Variants in ABHD17A observed in about 807,000 individuals in gnomAD.
ABHD17A encodes the protein abhydrolase domain containing 17A, depalmitoylase.
In ABHD17A, 10 loss-of-function variants were observed where a neutral mutation model predicts 26.8. The observed-to-expected ratio is 0.37, with a 90% confidence interval of 0.23 to 0.63. The LOEUF (loss-of-function observed/expected upper bound fraction) is 0.63, where lower values mean the gene tolerates loss of function less well. Among genes scored for constraint, ABHD17A ranks in the 30% least tolerant of loss-of-function variants. ABHD17A has a pLI of 0.61. For synonymous variants in ABHD17A, 167 were observed against 210.9 expected, an observed-to-expected ratio of 0.79 and a Z score of 1.80; for missense variants, 292 against 457.3, an observed-to-expected ratio of 0.64 and a Z score of 3.30.
rs2012496376 is a variant in ABHD17A, at chr19:1,880,604, C to T, written c.333-489G>A. Among the ~76,000 whole-genome samples the T allele has an allele frequency of 6.6e-6, 1 of 152,182 alleles. No homozygotes were observed. The highest frequency in any genetic ancestry group is 1.5e-5 in the Non-Finnish European group (1 of 68,014). On this transcript the variant is annotated intron_variant, in intron 2 of 4. Transcript: ENST00000292577. The surrounding 1 kb of genome is among the most constrained non-coding windows in gnomAD (Gnocchi z 4.1). Reference sequence around the variant, plus strand: ...CTCCCCTCACCTCACAGAATGGTGCCCTCACTGTTGGGGCACAACTGGACC... The same window carrying T: ...CTCCCCTCACCTCACAGAATGGTGCTCTCACTGTTGGGGCACAACTGGACC...
rs4807160 is a variant in ABHD17A at position 1,880,951 on chromosome 19, T to G, written c.332+284A>C. On this transcript the variant is annotated intron_variant, in intron 2 of 4. Transcript: ENST00000292577. This position sits in a 1 kb window ranked among gnomAD's most constrained non-coding sequence, Gnocchi z 4.1. The stretch of plus-strand genomic sequence containing the variant: ...AGGGCAGCCCCTGTGCCCCAGCTCT[T>G]GCCCAGCAGGCAACCACCAGGCGCT... The G allele has an allele frequency of 1.2e-6, 2 of 1,612,872 alleles. No individual in the cohort carries two copies. Among genetic ancestry groups the G allele is most frequent in the Non-Finnish European group, 1.7e-6 (2 of 1,179,874 alleles).
intron 1 of ABHD17A, among the ~76,000 whole-genome samples, chr19:1,885,025 CG>C (rs1053899276): frequency 6.6e-6 from 1 of 152,140 alleles, no homozygotes; most frequent in African/African-American, 2.4e-5. Context: ...GGCGAGAGGC[CG>C]AAGCGTTTGT....
intron 1 of ABHD17A, 142 bp from the exon 2 acceptor site, chr19:1,881,946 C>T (rs947273134): frequency 3.6e-5 from 8 of 221,686 alleles, no homozygotes; most frequent in Middle Eastern, 1.6e-3. Flanking sequence ...GCCCTCCCCA[C>T]GGCCTGTCAG....
chr19:1,880,901 G>A lies in ABHD17A; in HGVS notation c.332+334C>T, dbSNP rs371082143. 30 of 1,612,954 alleles carry A rather than the reference G, an allele frequency of 1.9e-5. No individual in the cohort carries two copies. Among genetic ancestry groups the A allele is most frequent in the South Asian group, 1.2e-4 (11 of 91,084 alleles). ...AGATCTGGTCAGAACCCCACCTGGC[G>A]AGAAGGTGGATGTACCCGCAGGCCA... is the stretch of plus-strand genomic sequence containing the variant. On this transcript the variant is annotated intron_variant, in intron 2 of 4. Transcript: ENST00000292577. The surrounding 1 kb of genome is among the most constrained non-coding windows in gnomAD (Gnocchi z 4.1).
In ABHD17A at chr19:1,880,927, G is replaced by A; in HGVS notation, c.332+308C>T. Reference sequence around the variant, plus strand: ...AGAAGGTGGATGTACCCGCAGGCCAGGGCAGCCCCTGTGCCCCAGCTCTTG... The same window carrying A: ...AGAAGGTGGATGTACCCGCAGGCCAAGGCAGCCCCTGTGCCCCAGCTCTTG... On this transcript the variant is annotated intron_variant, in intron 2 of 4. Coordinates refer to ENST00000292577, the MANE Select transcript of ABHD17A (RefSeq NM_001130111.2). The surrounding 1 kb of genome is among the most constrained non-coding windows in gnomAD (Gnocchi z 4.1). 2 of 1,613,080 alleles carry A rather than the reference G, an allele frequency of 1.2e-6. No individual in the cohort carries two copies. The highest frequency in any genetic ancestry group is 1.7e-6 in the Non-Finnish European group (2 of 1,179,930).
At position 1,880,966 on chromosome 19, in the gene ABHD17A, C is replaced by G; in HGVS notation, c.332+269G>C. The G allele has an allele frequency of 6.2e-7, 1 of 1,612,686 alleles. No individual in the cohort carries two copies. Among genetic ancestry groups the G allele is most frequent in the Non-Finnish European group, 8.5e-7 (1 of 1,179,646 alleles). On this transcript the variant is annotated intron_variant, in intron 2 of 4. Coordinates refer to ENST00000292577, the MANE Select transcript of ABHD17A (RefSeq NM_001130111.2). The surrounding 1 kb of genome is among the most constrained non-coding windows in gnomAD (Gnocchi z 4.1). ...CCCCAGCTCTTGCCCAGCAGGCAAC[C>G]ACCAGGCGCTGGGTTGTTGGAGTCG...
At position 1,880,149 on chromosome 19, in the gene ABHD17A, C is replaced by T. The variant is rs371164909; in HGVS notation, c.333-34G>A. On this transcript the variant is annotated intron_variant, in intron 2 of 4. Coordinates refer to ENST00000292577, the MANE Select transcript of ABHD17A (RefSeq NM_001130111.2). This position sits in a 1 kb window ranked among gnomAD's most constrained non-coding sequence, Gnocchi z 4.1. ...GGCCGAGAAGGGCCGTTCACATCCT[C>T]GCTCCCAGCGCCCAGCTGCAGGGCA... is the stretch of plus-strand genomic sequence containing the variant. The T allele has an allele frequency of 2.5e-6, 4 of 1,608,178 alleles. No homozygotes were observed. The African/African-American group carries it at 5.3e-5, about 21-fold the overall frequency.
In ABHD17A at chr19:1,877,072, G is replaced by A. The variant is rs1321842907; in HGVS notation, c.*128C>T. ...CTCTGTTGCCTGTACATCGTCCACA[G>A]CCCCTGGGTCGGGGCGGGGTCCCCT... On this transcript the variant is annotated 3_prime_UTR_variant, in exon 5 of 5. Transcript: ENST00000292577. The A allele has an allele frequency of 3.0e-6, 2 of 665,522 alleles. No homozygotes were observed. The highest frequency in any genetic ancestry group is 5.4e-5 in the East Asian group (2 of 36,838). 41.2% of individuals were successfully genotyped at this position (665,522 alleles called of 1,614,324 possible).
In ABHD17A at chr19:1,881,357, C is replaced by T. The variant is rs1478584724; in HGVS notation, c.210G>A (p.Leu70=). The part of the protein sequence containing the change: ...SGAPGRWKLH[L]TERADFQYSQ... ...TGTACTGGAAGTCGGCACGCTCCGT[C>T]AGGTGCAGCTTCCAGCGCCCGGGTG... Residue 70 remains leucine (L), a synonymous_variant, in exon 2 of 5, where the codon CTG becomes CTA. Coordinates refer to ENST00000292577, the MANE Select transcript of ABHD17A (RefSeq NM_001130111.2). 3.7e-6 allele frequency: 6 copies of T among 1,609,266 alleles called. No homozygotes were observed. Among genetic ancestry groups the T allele is most frequent in the Non-Finnish European group, 5.1e-6 (6 of 1,179,582 alleles).
In ABHD17A at chr19:1,881,514, C is replaced by A; in HGVS notation, c.53G>T (p.Cys18Phe). 2 of 1,604,128 alleles carry A rather than the reference C, an allele frequency of 1.2e-6. No individual in the cohort carries two copies. Among genetic ancestry groups the A allele is most frequent in the Non-Finnish European group, 1.7e-6 (2 of 1,178,828 alleles). ...GAGCTTGGCAGCGATGCGGCCGGGG[C>A]AGGGCGGGCAGCAGAAGAGGCAGCA... Reference protein sequence around the residue: ...ELCCLFCCPPCPGRIAAKLAF... With the variant: ...ELCCLFCCPPFPGRIAAKLAF... Residue 18 changes from cysteine to phenylalanine, a missense_variant, in exon 2 of 5, where the codon TGC becomes TTC. Coordinates refer to ENST00000292577, the MANE Select transcript of ABHD17A (RefSeq NM_001130111.2).
At position 1,880,280 on chromosome 19, in the gene ABHD17A, C is replaced by A. The variant is rs115115090; in HGVS notation, c.333-165G>T. 6.6e-6 allele frequency among the ~76,000 whole-genome samples: 1 copy of A among 152,210 alleles called. No homozygotes were observed. Among genetic ancestry groups the A allele is most frequent in the African/African-American group, 2.4e-5 (1 of 41,458 alleles). ...GCCAGTGAATGGAGAGGGGAGGCTA[C>A]GACAGCACAGCTCCATCTCCGAGGG... is the stretch of plus-strand genomic sequence containing the variant. On this transcript the variant is annotated intron_variant, in intron 2 of 4. Coordinates refer to ENST00000292577, the MANE Select transcript of ABHD17A (RefSeq NM_001130111.2). This position sits in a 1 kb window ranked among gnomAD's most constrained non-coding sequence, Gnocchi z 4.1.
rs944309191 is a variant in ABHD17A at position 1,880,399 on chromosome 19, A to G, written c.333-284T>C. Among the ~76,000 whole-genome samples the G allele has an allele frequency of 2.5e-4, 38 of 152,160 alleles. No homozygotes were observed. The highest frequency in any genetic ancestry group is 4.6e-4 in the Non-Finnish European group (31 of 68,016). On this transcript the variant is annotated intron_variant, in intron 2 of 4. Coordinates refer to ENST00000292577, the MANE Select transcript of ABHD17A (RefSeq NM_001130111.2). The surrounding 1 kb of genome is among the most constrained non-coding windows in gnomAD (Gnocchi z 4.1). ...GGAGCCTCAGGATTCCCATCTGTGAAGCGGGACACTGGGACCATCGGTCGC... is the reference window on the plus strand; with the variant it reads ...GGAGCCTCAGGATTCCCATCTGTGAGGCGGGACACTGGGACCATCGGTCGC...
rs1012842716 is a variant in ABHD17A, at chr19:1,879,332, C to T, written c.527+589G>A. On this transcript the variant is annotated intron_variant, in intron 3 of 4. Transcript: ENST00000292577. The surrounding 1 kb of genome is among the most constrained non-coding windows in gnomAD (Gnocchi z 7.6). ...AGCACTGGCCCGGGCGGTGCTCAAACACCGGTGAAGGGCCCAGGCAAGCGC... is the reference window on the plus strand; with the variant it reads ...AGCACTGGCCCGGGCGGTGCTCAAATACCGGTGAAGGGCCCAGGCAAGCGC... The T allele has an allele frequency of 9.8e-5, 16 of 163,012 alleles. No individual in the cohort carries two copies. Among genetic ancestry groups the T allele is most frequent in the Non-Finnish European group, 2.0e-4 (15 of 74,392 alleles). 10.1% of individuals were successfully genotyped at this position (163,012 alleles called of 1,614,324 possible). A position where few individuals can be genotyped will look rare whatever the true frequency, so the allele number is the denominator to read the frequency against.
In ABHD17A at chr19:1,877,513, G is replaced by A. The variant is rs753676484; in HGVS notation, c.702C>T (p.Phe234=). 3.8e-6 allele frequency: 6 copies of A among 1,594,602 alleles called. No homozygotes were observed. In the East Asian group the frequency reaches 1.1e-4, roughly 30 times the overall value. Residue 234 remains phenylalanine, a synonymous_variant, in exon 4 of 5, where the codon TTC becomes TTT. Transcript: ENST00000292577. ...TCCCCGCCCGGGCCGCTCACTTAGG[G>A]AAGGCGTCGAAGCAGTAGGTCTTCT... The part of the protein sequence containing the change: ...DTKKTYCFDA[F]PNIEKVSKIT...
chr19:1,884,879 G>A (rs1020128404), intron 1 of ABHD17A, among the ~76,000 whole-genome samples: 3 of 152,216 alleles, frequency 2.0e-5, no homozygotes, highest in Non-Finnish European at 4.4e-5. Context: ...GCTGCATCCC[G>A]GAGAACGGAC....
rs1421742509 is a variant in ABHD17A at position 1,880,403 on chromosome 19, G to C, written c.333-288C>G. ...CCTCAGGATTCCCATCTGTGAAGCG[G>C]GACACTGGGACCATCGGTCGCATCC... On this transcript the variant is annotated intron_variant, in intron 2 of 4. Coordinates refer to ENST00000292577, the MANE Select transcript of ABHD17A (RefSeq NM_001130111.2). This position sits in a 1 kb window ranked among gnomAD's most constrained non-coding sequence, Gnocchi z 4.1. Among the ~76,000 whole-genome samples the C allele has an allele frequency of 6.6e-6, 1 of 152,174 alleles. No individual in the cohort carries two copies. Among genetic ancestry groups the C allele is most frequent in the Non-Finnish European group, 1.5e-5 (1 of 68,022 alleles).
rs2012489068 is a variant in ABHD17A, at chr19:1,880,372, A to G, written c.333-257T>C. ...GCAGCCTGGGCTGCAGAGGCCAGCC[A>G]GGGAGCCTCAGGATTCCCATCTGTG... is the stretch of plus-strand genomic sequence containing the variant. On this transcript the variant is annotated intron_variant, in intron 2 of 4. Coordinates refer to ENST00000292577, the MANE Select transcript of ABHD17A (RefSeq NM_001130111.2). The surrounding 1 kb of genome is among the most constrained non-coding windows in gnomAD (Gnocchi z 4.1). 6.6e-6 allele frequency among the ~76,000 whole-genome samples: 1 copy of G among 152,182 alleles called. No homozygotes were observed. Among genetic ancestry groups the G allele is most frequent in the African/African-American group, 2.4e-5 (1 of 41,450 alleles).
At chr19:1,883,046 T>A (rs2012585214) in intron 1 of ABHD17A, 1 of 152,134 alleles carries the variant, frequency 6.6e-6, no homozygotes, top group Non-Finnish European at 1.5e-5. Flanking sequence ...CAGGACCTGA[T>A]GTGAGACCCA....
At chr19:1,878,035 C>T (rs2012420338) in intron 3 of ABHD17A, 1 of 316,492 alleles carries the variant, frequency 3.2e-6, no homozygotes. Context: ...ACACTGGGAA[C>T]TGTGTGGCCC....
Sources: gnomAD v4.1 joint callset for allele counts (sites outside exome capture counted in the v4.1 genomes callset) on GRCh38, gnomAD v4.1.1 for gene constraint, Gnocchi (gnomAD v3.1) non-coding constraint, MANE v1.5 for transcripts, NCBI Gene and HGNC (gene_info 2026-07-23, HGNC 2026-07-21) for gene names.